The following MYT1L variants were observed in gnomAD, a reference collection of about 807,000 sequenced individuals.
The protein encoded by MYT1L is myelin transcription factor 1 like.
MYT1L carries 12 observed loss-of-function variants against 126.7 expected under a neutral mutation model. That is an observed-to-expected ratio of 0.09 (90% confidence interval 0.06 to 0.15). The LOEUF (loss-of-function observed/expected upper bound fraction) is 0.15. Among genes scored for constraint, MYT1L ranks in the 10% least tolerant of loss-of-function variants. The pLI is 1.00. For synonymous variants in MYT1L, 541 were observed against 604.2 expected (o/e 0.90, Z 1.53); for missense variants, 979 against 1,585.2 (o/e 0.62, Z 6.49).
At chr2:2,005,927 C>T (rs910573129) in intron 4 of MYT1L, among the ~76,000 whole-genome samples, 5 of 145,628 alleles carry the variant, frequency 3.4e-5, no homozygotes, top group South Asian at 2.2e-4. Context: ...TTCCTGCATG[C>T]GTTCTTTCCT....
intron 3 of MYT1L, among the ~76,000 whole-genome samples, chr2:2,159,593 G>C (rs578126247): frequency 6.6e-6 from 1 of 152,042 alleles, no homozygotes; most frequent in Non-Finnish European, 1.5e-5. Context: ...TGAGATTGCC[G>C]ACTAGGAGGT....
At chr2:2,066,633 G>A (rs55831357) in intron 3 of MYT1L, among the ~76,000 whole-genome samples, 5,905 of 152,310 alleles carry the variant, frequency 0.039, 146 homozygotes, top group South Asian at 0.08. Context: ...CAGGGGTGGG[G>A]CATGGGGAGG....
At chr2:2,273,140 T>G (rs1302575801) in intron 2 of MYT1L, among the ~76,000 whole-genome samples, 1 of 152,154 alleles carries the variant, frequency 6.6e-6, no homozygotes, top group African/African-American at 2.4e-5. Flanking sequence ...GCCACAATTC[T>G]GGACTCTTCC....
Position 2,093,656 on chromosome 2 carries a change from T to C in MYT1L, c.-303-39533A>G, listed in dbSNP as rs1290325860. On this transcript the variant is annotated intron_variant, in intron 3 of 24. Transcript: ENST00000647738. Reference sequence around the variant, plus strand: ...TCTGTAGGTTGCCTGTTCACTCTGATGGTAGTTTCTTTTGCTGTGCAGAAG... The same window carrying C: ...TCTGTAGGTTGCCTGTTCACTCTGACGGTAGTTTCTTTTGCTGTGCAGAAG... 3.3e-5 allele frequency among the ~76,000 whole-genome samples: 5 copies of C among 152,296 alleles called. No individual in the cohort carries two copies. The East Asian group carries it at 7.7e-4, about 24-fold the overall frequency.
intron 3 of MYT1L, among the ~76,000 whole-genome samples, chr2:2,160,543 ATAGT>A (rs1185193225): frequency 6.6e-6 from 1 of 152,170 alleles, no homozygotes; most frequent in East Asian, 1.9e-4. Context: ...AGACTTCCTA[ATAGT>A]TTGGTCAGGC....
intron 4 of MYT1L, among the ~76,000 whole-genome samples, chr2:2,000,829 T>C (rs193009555): frequency 3.5e-4 from 53 of 152,302 alleles, no homozygotes; most frequent in African/African-American, 2.4e-4. Flanking sequence ...TCACCCAAGA[T>C]TGCAAAGGCC....
chr2:1,856,358 G>A (rs1247519191), intron 18 of MYT1L, among the ~76,000 whole-genome samples: 2 of 152,188 alleles, frequency 1.3e-5, no homozygotes, highest in Non-Finnish European at 2.9e-5. Context: ...CGTCCATGGA[G>A]GTCATAAGAT....
chr2:2,064,222 T>A (rs535904099), intron 3 of MYT1L, among the ~76,000 whole-genome samples: 3 of 152,202 alleles, frequency 2.0e-5, no homozygotes, highest in African/African-American at 7.2e-5. Context: ...CAGAAGCCAC[T>A]TGGGGCAAAC....
chr2:2,300,786 C>T (rs1158510146), intron 1 of MYT1L, among the ~76,000 whole-genome samples: 1 of 152,304 alleles, frequency 6.6e-6, no homozygotes, highest in South Asian at 2.1e-4. Flanking sequence ...GATTCACACA[C>T]TCACAGAGCC....
chr2:2,213,356 G>C (rs928417473), intron 2 of MYT1L, among the ~76,000 whole-genome samples: 1 of 152,166 alleles, frequency 6.6e-6, no homozygotes, highest in African/African-American at 2.4e-5. Flanking sequence ...AATATAGCTA[G>C]AGGCTTCAGG....
intron 21 of MYT1L, among the ~76,000 whole-genome samples, chr2:1,812,409 G>C (rs1485556171): frequency 1.3e-5 from 2 of 152,222 alleles, no homozygotes; most frequent in East Asian, 3.9e-4. Flanking sequence ...GAGAGTGCTG[G>C]AGATGGAATA....
intron 1 of MYT1L, among the ~76,000 whole-genome samples, chr2:2,300,864 C>T (rs2095771303): frequency 6.6e-6 from 1 of 152,146 alleles, no homozygotes; most frequent in Non-Finnish European, 1.5e-5. Context: ...AGGCTGTGTG[C>T]TCGTCTTCTA....
intron 2 of MYT1L, among the ~76,000 whole-genome samples, chr2:2,276,076 C>A (rs1055492369): frequency 1.6e-4 from 25 of 152,128 alleles, no homozygotes; most frequent in African/African-American, 6.0e-4. Flanking sequence ...GCATTCAGAG[C>A]TCTGTGCCTG....
At chr2:2,193,189 G>T (rs1352316770) in intron 2 of MYT1L, among the ~76,000 whole-genome samples, 3 of 152,028 alleles carry the variant, frequency 2.0e-5, no homozygotes, top group Non-Finnish European at 2.9e-5. Context: ...TGTTGGCCAG[G>T]CTGGTCTCAA....
At chr2:2,100,861 G>A (rs1271277617) in intron 3 of MYT1L, among the ~76,000 whole-genome samples, 1 of 152,054 alleles carries the variant, frequency 6.6e-6, no homozygotes, top group Non-Finnish European at 1.5e-5. Context: ...ACTAAGACTG[G>A]ATTTAATACT....
chr2:2,034,200 T>C (rs551164614), intron 4 of MYT1L, among the ~76,000 whole-genome samples: 2 of 152,172 alleles, frequency 1.3e-5, no homozygotes, highest in African/African-American at 4.8e-5. Flanking sequence ...AATTCAGGCA[T>C]ATCCTCAAAG....
intron 18 of MYT1L, among the ~76,000 whole-genome samples, chr2:1,863,124 G>C (rs931466233): frequency 2.6e-5 from 4 of 152,132 alleles, no homozygotes; most frequent in Non-Finnish European, 5.9e-5. Flanking sequence ...CTCAATCCCT[G>C]CTCTGAACTC....
At chr2:2,187,742 T>C (rs1336510822) in intron 2 of MYT1L, among the ~76,000 whole-genome samples, 2 of 152,094 alleles carry the variant, frequency 1.3e-5, no homozygotes, top group Admixed American at 6.5e-5. Context: ...AGTTGGCCAA[T>C]ATATCTTACT....
At chr2:1,834,718 A>G (rs2040597372) in intron 21 of MYT1L, among the ~76,000 whole-genome samples, 1 of 152,228 alleles carries the variant, frequency 6.6e-6, no homozygotes. Flanking sequence ...CAGTGTTTCA[A>G]TGGAGACGGA....
Sources: allele counts gnomAD v4.1 joint callset (sites outside exome capture counted in the v4.1 genomes callset), GRCh38; gene constraint gnomAD v4.1.1; transcripts MANE v1.5; gene names NCBI Gene and HGNC (gene_info 2026-07-23, HGNC 2026-07-21).